TMEM161B: variants seen among roughly 807,000 people sequenced by gnomAD.
TMEM161B encodes transmembrane protein 161B.
Under a neutral mutation model 61.8 loss-of-function variants are expected in TMEM161B, and 34 were observed. That is an observed-to-expected ratio of 0.55 (90% CI 0.42 to 0.73). The LOEUF is 0.73. TMEM161B is among the 30% of genes least tolerant of loss of function. The pLI is 0.00. For missense variants in TMEM161B, 456 were observed against 558.5 expected (o/e 0.82, Z 1.85); for synonymous variants, 167 against 192.8 (o/e 0.87, Z 1.11).
At chr5:88,236,249 A>G (rs181643141) in intron 2 of TMEM161B, among the ~76,000 whole-genome samples, 19 of 152,304 alleles carry the variant, frequency 1.2e-4, no homozygotes, top group Admixed American at 9.8e-4. Flanking sequence ...GCAGCAGACC[A>G]AACTAGACTT....
downstream of TMEM161B, among the ~76,000 whole-genome samples, chr5:88,194,771 A>G (rs1749352598): frequency 6.6e-6 from 1 of 152,142 alleles, no homozygotes; most frequent in East Asian, 1.9e-4. Context: ...TGCTTTCAAC[A>G]GTGTTAACAG....
intron 4 of TMEM161B, among the ~76,000 whole-genome samples, chr5:88,223,849 A>G (rs1749479538): frequency 6.6e-6 from 1 of 152,074 alleles, no homozygotes; most frequent in African/African-American, 2.4e-5. Context: ...AGATAGCACC[A>G]CTGCACTCCA....
Position 88,202,983 on chromosome 5 carries a change from AGTG to A in TMEM161B, c.890_892del (p.Pro297del). ...TTACAAAGGGATACTTTCTTTGCCCAGTGGTGGGTTCATAATGTAGTCTTTGGT... is the reference window on the plus strand; with the variant it reads ...TTACAAAGGGATACTTTCTTTGCCCAGTGGGTTCATAATGTAGTCTTTGGT... On this transcript the variant is annotated inframe_deletion, in exon 9 of 12. Transcript: ENST00000296595. 1 of 1,610,244 alleles carries A rather than the reference AGTG, an allele frequency of 6.2e-7. No homozygotes were observed. The highest frequency in any genetic ancestry group is 8.5e-7 in the Non-Finnish European group (1 of 1,176,728).
intron 2 of TMEM161B, among the ~76,000 whole-genome samples, chr5:88,237,811 AT>A (rs1752108080): frequency 6.6e-6 from 1 of 152,136 alleles, no homozygotes; most frequent in African/African-American, 2.4e-5. Flanking sequence ...AAATTAGTCA[AT>A]TTTTTAATAT....
intron 5 of TMEM161B, among the ~76,000 whole-genome samples, chr5:88,211,392 C>A (rs1041446282): frequency 6.8e-6 from 1 of 147,832 alleles, no homozygotes; most frequent in African/African-American, 2.5e-5. Flanking sequence ...TAGACATCAA[C>A]GAGAAACAGG....
chr5:88,197,256 G>A (rs1561296621), intron 11 of TMEM161B, among the ~76,000 whole-genome samples: 1 of 152,106 alleles, frequency 6.6e-6, no homozygotes, highest in Non-Finnish European at 1.5e-5. Flanking sequence ...TCACCGTTTC[G>A]ATGTAAGTTA....
chr5:88,221,249 T>C, intron 4 of TMEM161B: 1 of 164,370 alleles, frequency 6.1e-6, no homozygotes, highest in East Asian at 1.7e-4. Context: ...ACAGACGCGG[T>C]GGCTCACGCC....
At chr5:88,238,002 A>G (rs1752142302) in intron 2 of TMEM161B, among the ~76,000 whole-genome samples, 1 of 152,050 alleles carries the variant, frequency 6.6e-6, no homozygotes, top group African/African-American at 2.4e-5. Flanking sequence ...TGCCCCCAAC[A>G]CCCCTTCCAG....
intron 6 of TMEM161B, 89 bp from the exon 7 acceptor site, chr5:88,206,588 C>G: frequency 1.6e-6 from 2 of 1,265,898 alleles, no homozygotes; most frequent in Middle Eastern, 2.5e-4. Context: ...TGTTAGAAAA[C>G]AGAGCATCTT....
At chr5:88,224,353 C>G (rs1045092309) in intron 4 of TMEM161B, among the ~76,000 whole-genome samples, 1 of 151,984 alleles carries the variant, frequency 6.6e-6, no homozygotes, top group Non-Finnish European at 1.5e-5. Context: ...TGATATATCC[C>G]CAAGTTTAAA....
intron 5 of TMEM161B, among the ~76,000 whole-genome samples, chr5:88,210,145 T>C (rs1746416892): frequency 6.6e-6 from 1 of 152,202 alleles, no homozygotes. Flanking sequence ...CTCTGTGTCT[T>C]AGTTTCTTCA....
chr5:88,230,007 C>T (rs1561374390), intron 2 of TMEM161B, among the ~76,000 whole-genome samples: 1 of 151,906 alleles, frequency 6.6e-6, no homozygotes, highest in African/African-American at 2.4e-5. Flanking sequence ...ACCTGGGCAA[C>T]ACAGTGAGAC....
At chr5:88,224,032 G>A (rs752771070) in intron 4 of TMEM161B, among the ~76,000 whole-genome samples, 55 of 151,872 alleles carry the variant, frequency 3.6e-4, no homozygotes, top group Non-Finnish European at 6.0e-4. Flanking sequence ...CACGTATTTC[G>A]AAGCCACTTT....
chr5:88,193,219 C>T (rs1347594193), downstream of TMEM161B, among the ~76,000 whole-genome samples: 3 of 152,056 alleles, frequency 2.0e-5, no homozygotes, highest in Admixed American at 2.0e-4. Flanking sequence ...AGTGCAATGG[C>T]TAGCAAGTGG....
At chr5:88,230,082 A>T (rs1293279912) in intron 2 of TMEM161B, among the ~76,000 whole-genome samples, 1 of 151,934 alleles carries the variant, frequency 6.6e-6, no homozygotes, top group Non-Finnish European at 1.5e-5. Flanking sequence ...GTCGGGGGAG[A>T]GGGTGAGGTG....
In TMEM161B at chr5:88,195,077, T is replaced by C. The variant is rs1749396298; in HGVS notation, c.*1134A>G. 3.4e-6 allele frequency: 3 copies of C among 890,736 alleles called. No individual in the cohort carries two copies. The highest frequency in any genetic ancestry group is 6.2e-5 in the Admixed American group (1 of 16,092). The allele number at this position is 890,736 out of a possible 1,614,324, so 55.2% of individuals were successfully genotyped here. ...CATACATGATACCTGTAGACCTGAT[T>C]TGAGAGGGAAAGATTCTGATTTTTG... is the stretch of plus-strand genomic sequence containing the variant. On this transcript the variant is annotated 3_prime_UTR_variant, in exon 12 of 12. Coordinates refer to ENST00000296595, the MANE Select transcript of TMEM161B (RefSeq NM_153354.5).
chr5:88,221,720 A>G (rs761067479), intron 4 of TMEM161B: 3 of 456,082 alleles, frequency 6.6e-6, no homozygotes, highest in South Asian at 3.1e-5. Context: ...CTTCTACCAG[A>G]GTGTAGTCCA....
chr5:88,245,325 G>A (rs919372710), intron 1 of TMEM161B, among the ~76,000 whole-genome samples: 5 of 151,772 alleles, frequency 3.3e-5, no homozygotes, highest in Non-Finnish European at 7.4e-5. Context: ...GTTTCTGATA[G>A]AAGTTCTACA....
chr5:88,193,430 A>G (rs190288924), downstream of TMEM161B, among the ~76,000 whole-genome samples: 322 of 152,270 alleles, frequency 2.1e-3, 3 homozygotes, highest in African/African-American at 7.5e-3. Flanking sequence ...TGGTTTACAT[A>G]AAGTACAAAC....
Sources: gnomAD v4.1 joint callset for allele counts (sites outside exome capture counted in the v4.1 genomes callset) on GRCh38, gnomAD v4.1.1 for gene constraint, MANE v1.5 for transcripts, NCBI Gene and HGNC (gene_info 2026-07-23, HGNC 2026-07-21) for gene names.